TRIP12: variants seen among roughly 807,000 people sequenced by gnomAD.
TRIP12 encodes the protein E3 ubiquitin-protein ligase TRIP12.
In TRIP12, 25 loss-of-function variants were observed where a neutral mutation model predicts 244.2. The ratio of observed to expected loss-of-function variants is 0.10; its 90% CI spans 0.07 to 0.14. The LOEUF is 0.14. TRIP12 is among the 10% of genes least tolerant of loss of function. TRIP12 has a pLI of 1.00. For missense variants in TRIP12, 1,677 were observed against 2,486.4 expected, an observed-to-expected ratio of 0.67 and a Z score of 6.92; for synonymous variants, 905 against 873.1, an observed-to-expected ratio of 1.04 and a Z score of -0.64.
At chr2:229,885,320 A>G (rs1195968528) in intron 1 of TRIP12, among the ~76,000 whole-genome samples, 1 of 152,214 alleles carries the variant, frequency 6.6e-6, no homozygotes, top group Non-Finnish European at 1.5e-5. Flanking sequence ...AAATTACAGT[A>G]ATAAACACAA....
At chr2:229,823,685 A>C (rs1559651984) in intron 8 of TRIP12, among the ~76,000 whole-genome samples, 2 of 141,860 alleles carry the variant, frequency 1.4e-5, no homozygotes, top group African/African-American at 5.2e-5. Context: ...AAAAAAAAAA[A>C]ACAACAACAA....
At chr2:229,863,203 TG>T (rs751819887) in intron 2 of TRIP12, among the ~76,000 whole-genome samples, 10 of 139,056 alleles carry the variant, frequency 7.2e-5, no homozygotes, top group Non-Finnish European at 1.4e-4. Flanking sequence ...TACTCCAGCC[TG>T]GGTGACAGGG....
At chr2:229,880,540 T>C (rs2064620951) in intron 1 of TRIP12, among the ~76,000 whole-genome samples, 1 of 152,230 alleles carries the variant, frequency 6.6e-6, no homozygotes, top group Non-Finnish European at 1.5e-5. Flanking sequence ...AAGTTTGCCT[T>C]TGTACAAATC....
chr2:229,775,985 A>G (rs1419338677), intron 37 of TRIP12, among the ~76,000 whole-genome samples: 1 of 152,092 alleles, frequency 6.6e-6, no homozygotes, highest in Admixed American at 6.5e-5. Context: ...CAAAAAAACT[A>G]CTGACAAGAG....
chr2:229,913,617 A>G (rs1261718586), intron 1 of TRIP12, among the ~76,000 whole-genome samples: 1 of 152,160 alleles, frequency 6.6e-6, no homozygotes, highest in Non-Finnish European at 1.5e-5. Context: ...TATATTCTAC[A>G]CTCAGCTGCC....
chr2:229,864,002 GAAAGA>G (rs2060918997), intron 2 of TRIP12, among the ~76,000 whole-genome samples: 1 of 99,590 alleles, frequency 1.0e-5, no homozygotes, highest in Non-Finnish European at 2.1e-5. Context: ...AGATTTGGGT[GAAAGA>G]GAGAGAGAGA....
At chr2:229,872,293 G>A (rs1219545874) in intron 2 of TRIP12, among the ~76,000 whole-genome samples, 1 of 152,122 alleles carries the variant, frequency 6.6e-6, no homozygotes, top group Admixed American at 6.5e-5. Flanking sequence ...TCTGGGTGTG[G>A]TGGCTCATGC....
At chr2:229,901,616 GTCT>G (rs776341938) in intron 1 of TRIP12, among the ~76,000 whole-genome samples, 83 of 17,428 alleles carry the variant, frequency 4.8e-3, no homozygotes, top group Non-Finnish European at 9.3e-3. Context: ...GAATGAGACT[GTCT>G]GAAAAAAAAA....
intron 39 of TRIP12, among the ~76,000 whole-genome samples, chr2:229,770,939 TTCTTTTG>T (rs1189536645): frequency 1.5e-4 from 23 of 152,188 alleles, no homozygotes; most frequent in Admixed American, 9.8e-4. Flanking sequence ...ATAAACCTCT[TTCTTTTG>T]TAAATTGCCC....
At chr2:229,783,569 C>T (rs538927615) in intron 34 of TRIP12, among the ~76,000 whole-genome samples, 2 of 151,972 alleles carry the variant, frequency 1.3e-5, no homozygotes, top group South Asian at 2.1e-4. Context: ...ACATTTGGAG[C>T]GAAACAAAAT....
At chr2:229,893,079 CAA>C (rs2067788414) in intron 1 of TRIP12, among the ~76,000 whole-genome samples, 1 of 152,102 alleles carries the variant, frequency 6.6e-6, no homozygotes. Flanking sequence ...TAAAATTTCT[CAA>C]AATACAAAAA....
At chr2:229,818,238 T>C in intron 9 of TRIP12, 126 bp downstream of exon 9, 1 of 1,040,146 alleles carries the variant, frequency 9.6e-7, no homozygotes, top group Non-Finnish European at 1.4e-6. Flanking sequence ...CACCAAGTCA[T>C]ATACTCCTCT....
rs1021499683 is a variant in TRIP12, at chr2:229,902,278, G to T, written c.-50+19602C>A. On this transcript the variant is annotated intron_variant, in intron 1 of 41. Coordinates refer to ENST00000675903, the MANE Select transcript of TRIP12 (RefSeq NM_001348323.3). Reference sequence around the variant, plus strand: ...CGTGCCTACAGTCCCAGCTACTCGGGAGGCTGAGGCAGAATCACTTAAACC... The same window carrying T: ...CGTGCCTACAGTCCCAGCTACTCGGTAGGCTGAGGCAGAATCACTTAAACC... Among the ~76,000 whole-genome samples, 9 of 152,156 alleles carry T rather than the reference G, an allele frequency of 5.9e-5. No homozygotes were observed. In the South Asian group the frequency reaches 1.9e-3, roughly 32 times the overall value.
At chr2:229,769,685 C>T (rs144007061) in intron 39 of TRIP12, among the ~76,000 whole-genome samples, 2,740 of 151,944 alleles carry the variant, frequency 0.018, 86 homozygotes, top group African/African-American at 0.063. Context: ...TTTTATAAAT[C>T]CTGGCTTTCA....
At chr2:229,906,122 T>C (rs961140725) in intron 1 of TRIP12, among the ~76,000 whole-genome samples, 1 of 151,984 alleles carries the variant, frequency 6.6e-6, no homozygotes, top group Non-Finnish European at 1.5e-5. Flanking sequence ...CTGGCCAACA[T>C]GGTGAAACCC....
At chr2:229,817,347 C>T (rs915674404) in intron 9 of TRIP12, among the ~76,000 whole-genome samples, 1 of 152,114 alleles carries the variant, frequency 6.6e-6, no homozygotes, top group Non-Finnish European at 1.5e-5. Context: ...GATTTAGACT[C>T]AAATTTTAAT....
intron 20 of TRIP12, 65 bp from the exon 21 acceptor site, chr2:229,802,524 T>C: frequency 8.0e-7 from 1 of 1,243,068 alleles, no homozygotes; most frequent in African/African-American, 1.5e-5. Flanking sequence ...TCCCCACCAT[T>C]ACAAAATCCC....
chr2:229,902,924 G>A (rs1227553526), intron 1 of TRIP12, among the ~76,000 whole-genome samples: 1 of 151,624 alleles, frequency 6.6e-6, no homozygotes, highest in Non-Finnish European at 1.5e-5. Context: ...ATATTAGACT[G>A]CATATTAGAA....
chr2:229,893,009 T>C (rs1164942344), intron 1 of TRIP12, among the ~76,000 whole-genome samples: 3 of 152,258 alleles, frequency 2.0e-5, no homozygotes, highest in Non-Finnish European at 4.4e-5. Context: ...ATTATCTTCC[T>C]GAACTTTCCA....
Sources: allele counts gnomAD v4.1 joint callset (sites outside exome capture counted in the v4.1 genomes callset), GRCh38; gene constraint gnomAD v4.1.1; transcripts MANE v1.5; gene names NCBI Gene and HGNC (gene_info 2026-07-23, HGNC 2026-07-21).